The following LRMDA variants were observed in gnomAD, a reference collection of about 807,000 sequenced individuals.
The protein encoded by LRMDA is leucine rich melanocyte differentiation associated.
LRMDA carries 18 observed loss-of-function variants against 29.8 expected under a neutral mutation model. That is an observed-to-expected ratio of 0.60 (90% CI 0.42 to 0.90). The LOEUF (loss-of-function observed/expected upper bound fraction) is 0.90, where lower values mean the gene tolerates loss of function less well. LRMDA is among the 40% of genes least tolerant of loss of function. LRMDA has a pLI of 0.00. For synonymous variants in LRMDA, 125 were observed against 109.4 expected, an observed-to-expected ratio of 1.14 and a Z score of -0.89; for missense variants, 273 against 273.9, an observed-to-expected ratio of 1.00 and a Z score of 0.02.
intron 5 of LRMDA, among the ~76,000 whole-genome samples, chr10:76,192,640 A>T (rs924680734): frequency 1.3e-5 from 2 of 152,212 alleles, no homozygotes; most frequent in Non-Finnish European, 2.9e-5. Flanking sequence ...CATTGGCTGG[A>T]TGTGATTTAA....
chr10:76,477,751 A>G (rs949071767), intron 6 of LRMDA, among the ~76,000 whole-genome samples: 31 of 152,096 alleles, frequency 2.0e-4, no homozygotes, highest in African/African-American at 7.5e-4. Context: ...AATACCACAC[A>G]TGTACAACTC....
chr10:76,369,984 G>A (rs1841434081), intron 6 of LRMDA, among the ~76,000 whole-genome samples: 1 of 152,120 alleles, frequency 6.6e-6, no homozygotes, highest in African/African-American at 2.4e-5. Context: ...GGAGCTTGCA[G>A]CACAGTGGGA....
intron 2 of LRMDA, among the ~76,000 whole-genome samples, chr10:75,691,250 G>A (rs1175856428): frequency 1.1e-4 from 15 of 133,222 alleles, no homozygotes; most frequent in Admixed American, 8.3e-4. Context: ...GTGTATGTAT[G>A]TATGTATATG....
At chr10:76,553,020 C>T (rs956218870) in intron 6 of LRMDA, among the ~76,000 whole-genome samples, 9 of 152,164 alleles carry the variant, frequency 5.9e-5, no homozygotes, top group Admixed American at 5.2e-4. Context: ...TAAAGGGCCT[C>T]TTTAAAACAG....
rs34637437 is a variant in LRMDA, at chr10:76,542,054, C to CGTGTGTGTGTGTGTGTGT, written c.602-15146_602-15129dup. On this transcript the variant is annotated intron_variant, in intron 6 of 6. Transcript: ENST00000611255. ...ACATGCATGCATGTAGGTGTGTGCA[C>CGTGTGTGTGTGTGTGTGT]GTGTGTGTGTGTGTGTGTGTGTGTG... 1.7e-3 allele frequency among the ~76,000 whole-genome samples: 261 copies of CGTGTGTGTGTGTGTGTGT among 150,260 alleles called. 1 individual carries two copies. Among genetic ancestry groups the CGTGTGTGTGTGTGTGTGT allele is most frequent in the African/African-American group, 6.2e-3 (253 of 40,954 alleles).
intron 5 of LRMDA, among the ~76,000 whole-genome samples, chr10:76,235,973 A>G (rs148696278): frequency 2.6e-5 from 4 of 152,346 alleles, no homozygotes; most frequent in African/African-American, 7.2e-5. Context: ...CCAAAGAAAT[A>G]TAGTTTGGGG....
At chr10:76,174,396 T>G (rs775384541) in intron 5 of LRMDA, among the ~76,000 whole-genome samples, 1 of 152,222 alleles carries the variant, frequency 6.6e-6, no homozygotes, top group Non-Finnish European at 1.5e-5. Flanking sequence ...AAGATTTTTT[T>G]GTAAGTCAGA....
At position 75,516,482 on chromosome 10, in the gene LRMDA, G is replaced by A. The variant is rs534084975; in HGVS notation, c.131+77988G>A. ...ATGATGAGCATTTTTTCATGTGTCT[G>A]TTGGCTGCATAAATGTCTTCTTTTG... On this transcript the variant is annotated intron_variant, in intron 2 of 6. Coordinates refer to ENST00000611255, the MANE Select transcript of LRMDA (RefSeq NM_001305581.2). Among the ~76,000 whole-genome samples, 9 of 152,226 alleles carry A rather than the reference G, an allele frequency of 5.9e-5. 1 individual carries two copies. The South Asian group carries it at 1.7e-3, about 28-fold the overall frequency.
chr10:76,226,668 C>T (rs895512129), intron 5 of LRMDA, among the ~76,000 whole-genome samples: 1 of 152,124 alleles, frequency 6.6e-6, no homozygotes, highest in Non-Finnish European at 1.5e-5. Context: ...GAAAACCGCC[C>T]CCATAATCCA....
intron 2 of LRMDA, chr10:75,782,652 G>A (rs921336794): frequency 4.0e-5 from 39 of 973,336 alleles, no homozygotes; most frequent in African/African-American, 5.0e-5. Flanking sequence ...AGCTTCTTTT[G>A]ACTTCTAGTC....
chr10:75,778,814 T>C (rs1843344551), intron 2 of LRMDA, among the ~76,000 whole-genome samples: 1 of 152,226 alleles, frequency 6.6e-6, no homozygotes, highest in Admixed American at 6.5e-5. Flanking sequence ...AAGTGCTTTC[T>C]GCCTTGGAGA....
chr10:75,871,883 T>A (rs1845117530), intron 2 of LRMDA, among the ~76,000 whole-genome samples: 1 of 152,226 alleles, frequency 6.6e-6, no homozygotes, highest in African/African-American at 2.4e-5. Context: ...TCATCTTTGT[T>A]TCTCCATTTG....
intron 5 of LRMDA, among the ~76,000 whole-genome samples, chr10:76,069,628 G>T (rs1470793332): frequency 8.7e-5 from 13 of 149,996 alleles, no homozygotes; most frequent in Non-Finnish European, 4.4e-5. Context: ...TTTTTGAAGT[G>T]GGGGATATGT....
intron 5 of LRMDA, among the ~76,000 whole-genome samples, chr10:76,246,170 C>T (rs1211217535): frequency 1.3e-5 from 2 of 152,172 alleles, no homozygotes; most frequent in East Asian, 3.9e-4. Flanking sequence ...CCACGCGGTA[C>T]TACTGCTGGT....
At chr10:75,863,422 T>C (rs1055859069) in intron 2 of LRMDA, among the ~76,000 whole-genome samples, 8 of 152,210 alleles carry the variant, frequency 5.3e-5, no homozygotes, top group African/African-American at 1.9e-4. Context: ...AATTTGGGGA[T>C]GATCTGGTGT....
At chr10:76,241,993 A>G (rs1224052176) in intron 5 of LRMDA, 1 of 152,156 alleles carries the variant, frequency 6.6e-6, no homozygotes, top group African/African-American at 2.4e-5. Flanking sequence ...TGCTGGCTTG[A>G]TTATTCTTAT....
intron 5 of LRMDA, among the ~76,000 whole-genome samples, chr10:76,060,722 C>T (rs528724414): frequency 6.0e-4 from 92 of 152,284 alleles, no homozygotes; most frequent in African/African-American, 2.1e-3. Flanking sequence ...TGGGAGGAAT[C>T]GAAATCCTTC....
At chr10:76,006,519 C>T (rs890859741) in intron 2 of LRMDA, among the ~76,000 whole-genome samples, 1 of 152,116 alleles carries the variant, frequency 6.6e-6, no homozygotes, top group Non-Finnish European at 1.5e-5. Context: ...AACCTCAGCC[C>T]TCTGCAGAGC....
chr10:75,577,351 A>G (rs2132074175), intron 2 of LRMDA, among the ~76,000 whole-genome samples: 1 of 152,334 alleles, frequency 6.6e-6, no homozygotes, highest in East Asian at 1.9e-4. Flanking sequence ...AAAAAGAGGG[A>G]AAAGAAATGA....
Sources: gnomAD v4.1 joint callset for allele counts (sites outside exome capture counted in the v4.1 genomes callset) on GRCh38, gnomAD v4.1.1 for gene constraint, MANE v1.5 for transcripts, NCBI Gene and HGNC (gene_info 2026-07-23, HGNC 2026-07-21) for gene names.